The following GABRB3 variants were observed in gnomAD, a reference collection of about 807,000 sequenced individuals.
GABRB3 encodes gamma-aminobutyric acid receptor subunit beta-3.
In GABRB3, 14 loss-of-function variants were observed where a neutral mutation model predicts 52.1. That is an observed-to-expected ratio of 0.27 (90% CI 0.18 to 0.42). GABRB3 has a LOEUF of 0.42. Ranked by LOEUF, GABRB3 falls within the 10% of genes least tolerant of loss-of-function variation. GABRB3 has a pLI of 1.00. For synonymous variants in GABRB3, 260 were observed against 232.3 expected, an observed-to-expected ratio of 1.12 and a Z score of -1.08; for missense variants, 307 against 609.1, an observed-to-expected ratio of 0.50 and a Z score of 5.22.
chr15:26,739,617 G>A (rs1403338734), intron 3 of GABRB3, among the ~76,000 whole-genome samples: 1 of 152,042 alleles, frequency 6.6e-6, no homozygotes, highest in Non-Finnish European at 1.5e-5. Flanking sequence ...TTTCTAAATA[G>A]CAAATACTAG....
intron 3 of GABRB3, among the ~76,000 whole-genome samples, chr15:26,623,407 G>A (rs930356555): frequency 3.9e-5 from 6 of 152,142 alleles, no homozygotes; most frequent in Non-Finnish European, 8.8e-5. Context: ...TTTGATCTGC[G>A]ACCCTGTGGA....
At chr15:26,570,721 A>T (rs1890362665) in intron 6 of GABRB3, among the ~76,000 whole-genome samples, 1 of 152,098 alleles carries the variant, frequency 6.6e-6, no homozygotes, top group South Asian at 2.1e-4. Context: ...TTCCTTATCT[A>T]TACCTCAAGG....
chr15:26,748,471 A>G (rs571752254), intron 3 of GABRB3, among the ~76,000 whole-genome samples: 1 of 151,962 alleles, frequency 6.6e-6, no homozygotes, highest in South Asian at 2.1e-4. Flanking sequence ...GAATTGGTCT[A>G]TTTTTTCTGA....
intron 8 of GABRB3, among the ~76,000 whole-genome samples, chr15:26,556,567 T>G (rs1416466166): frequency 6.6e-6 from 1 of 152,148 alleles, no homozygotes; most frequent in African/African-American, 2.4e-5. Context: ...AAAGATGAAC[T>G]CTTGGGTATA....
rs1890227456 is a variant in GABRB3, at chr15:26,567,618, C to A, written c.798G>T (p.Trp266Cys). 6.2e-7 allele frequency: 1 copy of A among 1,613,846 alleles called. No homozygotes were observed. The highest frequency in any genetic ancestry group is 1.7e-5 in the Admixed American group (1 of 59,988). Residue 266 changes from tryptophan to cysteine, a missense_variant, in exon 7 of 9, where the codon TGG becomes TGT. Trp to Cys is a radical substitution (Grantham distance 215). This residue lies in a region of GABRB3 where 32 missense variants were observed against 147.8 expected (regional missense o/e 0.22). Transcript: ENST00000311550. ...LITILSWVSF[W>C]INYDASAARV... The stretch of plus-strand genomic sequence containing the variant: ...TAGCAGCAGATGCATCATAATTGAT[C>A]CAGAAGGACACCCACGACAGAATCG...
chr15:26,606,788 C>CGATAGATAGATAGATAGA lies in GABRB3; in HGVS notation c.461+14525_461+14526insTCTATCTATCTATCTATC, dbSNP rs369220407. Among the ~76,000 whole-genome samples the CGATAGATAGATAGATAGA allele has an allele frequency of 8.3e-4, 96 of 115,212 alleles. 2 individuals are homozygous for CGATAGATAGATAGATAGA. The highest frequency in any genetic ancestry group is 2.6e-3 in the African/African-American group (94 of 35,738). 75.6% of individuals were successfully genotyped at this position (115,212 alleles called of 152,430 possible). On this transcript the variant is annotated intron_variant, in intron 4 of 8. Transcript: ENST00000311550. The stretch of plus-strand genomic sequence containing the variant: ...TCTATCTATAGATAGATAGATATAT[C>CGATAGATAGATAGATAGA]TATAGATAGATATATCTATAGATAG...
rs903179204 is a variant in GABRB3 at position 26,621,281 on chromosome 15, A to G, written c.461+33T>C. 6.4e-7 allele frequency: 1 copy of G among 1,553,068 alleles called. No individual in the cohort carries two copies. Among genetic ancestry groups the G allele is most frequent in the Non-Finnish European group, 8.9e-7 (1 of 1,125,880 alleles). ...ATATTCAACACCCATGCACCATGCA[A>G]CAGCAAAATTGGTCCTGAAGAGGCA... On this transcript the variant is annotated intron_variant, in intron 4 of 8. Coordinates refer to ENST00000311550, the MANE Select transcript of GABRB3 (RefSeq NM_000814.6). The surrounding 1 kb of genome is among the most constrained non-coding windows in gnomAD (Gnocchi z 4.1).
chr15:26,759,253 A>T (rs1381235139), intron 3 of GABRB3, among the ~76,000 whole-genome samples: 2 of 152,170 alleles, frequency 1.3e-5, no homozygotes, highest in Non-Finnish European at 2.9e-5. Flanking sequence ...AATAGAATAT[A>T]GCAAAAAAAA....
intron 3 of GABRB3, among the ~76,000 whole-genome samples, chr15:26,626,553 G>A (rs568578718): frequency 6.6e-6 from 1 of 152,262 alleles, no homozygotes; most frequent in African/African-American, 2.4e-5. Flanking sequence ...AGTTTTAGTA[G>A]GAAATTAAAA....
At chr15:26,624,376 C>T (rs1194797936) in intron 3 of GABRB3, 1 of 985,490 alleles carries the variant, frequency 1.0e-6, no homozygotes, top group Non-Finnish European at 1.2e-6. Flanking sequence ...TTACTCCTAA[C>T]CCCGCATGCT....
At chr15:26,657,296 G>C (rs1410803929) in intron 3 of GABRB3, 1 of 152,196 alleles carries the variant, frequency 6.6e-6, no homozygotes, top group East Asian at 1.9e-4. Context: ...CTCGTCACCA[G>C]TTTTCAGACT....
chr15:26,768,255 TTAAG>T (rs772287899), intron 3 of GABRB3, among the ~76,000 whole-genome samples: 87 of 152,292 alleles, frequency 5.7e-4, no homozygotes, highest in Non-Finnish European at 9.1e-4. Flanking sequence ...AATGGATTAA[TTAAG>T]TATGAAGTAA....
At chr15:26,592,060 T>TG (rs1330453657) in intron 4 of GABRB3, among the ~76,000 whole-genome samples, 1 of 152,076 alleles carries the variant, frequency 6.6e-6, no homozygotes, top group Non-Finnish European at 1.5e-5. Context: ...TGAATGTAGT[T>TG]GGGGGGATAT....
intron 3 of GABRB3, chr15:26,642,301 A>G (rs1595504160): frequency 9.3e-6 from 3 of 323,136 alleles, no homozygotes; most frequent in South Asian, 5.3e-5. Context: ...TATGGTATAC[A>G]TGGGTTCCAC....
intron 3 of GABRB3, among the ~76,000 whole-genome samples, chr15:26,753,663 AGATACT>A (rs994807471): frequency 2.0e-5 from 3 of 152,350 alleles, no homozygotes; most frequent in African/African-American, 7.2e-5. Flanking sequence ...TTTTAAATAC[AGATACT>A]TTCTATTTCC....
At chr15:26,607,589 C>CA (rs993903322) in intron 4 of GABRB3, among the ~76,000 whole-genome samples, 14 of 150,664 alleles carry the variant, frequency 9.3e-5, no homozygotes, top group Middle Eastern at 6.9e-3. Context: ...ACTCACCAAA[C>CA]AAACAAAACA....
intron 7 of GABRB3, among the ~76,000 whole-genome samples, chr15:26,566,782 T>C (rs1567112235): frequency 1.3e-5 from 2 of 152,130 alleles, no homozygotes; most frequent in Non-Finnish European, 2.9e-5. Flanking sequence ...AATTCTTATG[T>C]TTTTTTGTAA....
intron 3 of GABRB3, among the ~76,000 whole-genome samples, chr15:26,692,656 C>A (rs995727448): frequency 2.0e-5 from 3 of 152,092 alleles, no homozygotes; most frequent in Admixed American, 2.0e-4. Context: ...TTGGAGGTAG[C>A]TGATAAGGAT....
intron 3 of GABRB3, among the ~76,000 whole-genome samples, chr15:26,636,446 C>T (rs1264407396): frequency 2.0e-5 from 3 of 152,136 alleles, no homozygotes; most frequent in Admixed American, 6.5e-5. Flanking sequence ...GCTACTCCCT[C>T]CAATTCTGCC....
Sources: gnomAD v4.1 joint callset for allele counts (sites outside exome capture counted in the v4.1 genomes callset) on GRCh38, gnomAD v4.1.1 for gene constraint, gnomAD v4.1.1 regional missense constraint, Gnocchi (gnomAD v3.1) non-coding constraint, MANE v1.5 for transcripts, NCBI Gene and HGNC (gene_info 2026-07-23, HGNC 2026-07-21) for gene names.